Variants in PHF20L1 observed in about 807,000 individuals in gnomAD.
The protein encoded by PHF20L1 is PHD finger protein 20-like protein 1.
A neutral mutation model predicts 125.5 loss-of-function variants in PHF20L1; 44 were observed. The ratio of observed to expected loss-of-function variants is 0.35; its 90% CI spans 0.28 to 0.45. The LOEUF (loss-of-function observed/expected upper bound fraction) is 0.45, where lower values mean the gene tolerates loss of function less well. Among genes scored for constraint, PHF20L1 ranks in the 20% least tolerant of loss-of-function variants. The pLI is 1.00. For synonymous variants in PHF20L1, 380 were observed against 403.1 expected, an observed-to-expected ratio of 0.94 and a Z score of 0.69; for missense variants, 1,012 against 1,217.2, an observed-to-expected ratio of 0.83 and a Z score of 2.51.
intron 10 of PHF20L1, 142 bp downstream of exon 10, chr8:132,815,031 G>T: frequency 1.7e-6 from 1 of 592,250 alleles, no homozygotes; most frequent in Non-Finnish European, 2.9e-6. Context: ...AACTATTTCA[G>T]GGGCAAAAAC....
chr8:132,812,501 T>C, intron 9 of PHF20L1: 1 of 984,806 alleles, frequency 1.0e-6, no homozygotes, highest in African/African-American at 1.7e-5. Context: ...GTTTCTATTT[T>C]CATAATTAAA....
chr8:132,839,109 A>G (rs1587083391), intron 17 of PHF20L1: 1 of 340,858 alleles, frequency 2.9e-6, no homozygotes, highest in South Asian at 5.2e-5. Context: ...TGATGACTAC[A>G]AAACATTGAA....
intron 15 of PHF20L1, among the ~76,000 whole-genome samples, chr8:132,836,183 A>G (rs1378617461): frequency 6.6e-6 from 1 of 152,132 alleles, no homozygotes; most frequent in Admixed American, 6.5e-5. Context: ...ACAAGGGGAC[A>G]ACACAGGGTT....
intron 10 of PHF20L1, chr8:132,816,060 C>T (rs1834944874): frequency 6.6e-6 from 1 of 151,784 alleles, no homozygotes; most frequent in African/African-American, 2.4e-5. Flanking sequence ...ACATCAATGT[C>T]TTTAGACTGT....
chr8:132,807,482 G>C (rs903000901), intron 8 of PHF20L1: 6 of 263,988 alleles, frequency 2.3e-5, no homozygotes, highest in Admixed American at 1.0e-4. Context: ...AGTTAGCTTA[G>C]GTGTGTTTCT....
chr8:132,800,817 A>C (rs1034399744), intron 6 of PHF20L1, among the ~76,000 whole-genome samples: 1 of 151,588 alleles, frequency 6.6e-6, no homozygotes, highest in African/African-American at 2.4e-5. Flanking sequence ...AGAGCTTTTA[A>C]TATTACAGTG....
intron 12 of PHF20L1, among the ~76,000 whole-genome samples, chr8:132,822,047 C>T (rs533269824): frequency 1.3e-5 from 2 of 151,942 alleles, no homozygotes; most frequent in Admixed American, 6.6e-5. Flanking sequence ...AAAGTCCTGC[C>T]GTTGCATATA....
At chr8:132,804,789 T>G in intron 8 of PHF20L1, 49 bp downstream of exon 8, 1 of 1,461,042 alleles carries the variant, frequency 6.8e-7, no homozygotes, top group Non-Finnish European at 9.4e-7. Context: ...GAAGGTTTAA[T>G]TTTAGAGTAA....
chr8:132,802,465 A>G (rs1203823647), intron 6 of PHF20L1, among the ~76,000 whole-genome samples: 1 of 151,564 alleles, frequency 6.6e-6, no homozygotes, highest in Non-Finnish European at 1.5e-5. Context: ...TTTCTGTTCT[A>G]TAGTATTTTG....
At chr8:132,835,158 G>A (rs1361448183) in intron 15 of PHF20L1, among the ~76,000 whole-genome samples, 1 of 152,090 alleles carries the variant, frequency 6.6e-6, no homozygotes, top group Non-Finnish European at 1.5e-5. Context: ...ATTCTGGAGT[G>A]GCTATATTAT....
intron 18 of PHF20L1, chr8:132,841,428 A>G (rs1004292684): frequency 1.3e-5 from 2 of 152,116 alleles, no homozygotes; most frequent in Admixed American, 6.6e-5. Context: ...ATATTAAACT[A>G]CTAGGGATTC....
At chr8:132,802,021 TGCTC>T (rs1287744623) in intron 6 of PHF20L1, among the ~76,000 whole-genome samples, 1 of 151,706 alleles carries the variant, frequency 6.6e-6, no homozygotes, top group Admixed American at 6.6e-5. Context: ...CAGGATTAAA[TGCTC>T]TACTCTTAAT....
At position 132,844,183 on chromosome 8, in the gene PHF20L1, G is replaced by T; in HGVS notation, c.2776G>T (p.Val926Phe). Residue 926 changes from valine (V) to phenylalanine (F), a missense_variant, in exon 20 of 21, where the codon GTT becomes TTT. Val to Phe is a conservative substitution (Grantham distance 50). Transcript: ENST00000395386. Reference protein sequence around the residue: ...KNPAEGNTVFVYNDKKGTEDP... With the variant: ...KNPAEGNTVFFYNDKKGTEDP... ...TCCAGCTGAAGGGAATACAGTATTT[G>T]TTTATAATGATAAAAAGGGCACCGA... 2 of 1,612,810 alleles carry T rather than the reference G, an allele frequency of 1.2e-6. No individual in the cohort carries two copies. The highest frequency in any genetic ancestry group is 2.2e-5 in the South Asian group (2 of 91,042).
rs1834773833 is a variant in PHF20L1 at position 132,814,774 on chromosome 8, T to C, written c.1068T>C (p.Ser356=). The change falls in exon 10 of 21, where the codon TCT becomes TCC. Residue 356 remains serine (S), a synonymous_variant. Transcript: ENST00000395386. ...KARSKKCKHE[S]GDSSGCIKPP... Reference sequence around the variant, plus strand: ...GCAGCAAGAAATGCAAACATGAATCTGGAGATTCTTCTGGGTGTATAAAAC... The same window carrying C: ...GCAGCAAGAAATGCAAACATGAATCCGGAGATTCTTCTGGGTGTATAAAAC... 6.2e-7 allele frequency: 1 copy of C among 1,612,966 alleles called. No homozygotes were observed. The highest frequency in any genetic ancestry group is 1.3e-5 in the African/African-American group (1 of 74,840).
In PHF20L1 at chr8:132,842,512, A is replaced by C. The variant is rs754594765; in HGVS notation, c.2388-3A>C. ...ACTGCTGTTTTTCCAACTTTGTTTT[A>C]AGGAATAAACATCATCCTGACCTTC... On this transcript the variant is annotated splice_polypyrimidine_tract_variant and splice_region_variant and intron_variant, in intron 18 of 20. Coordinates refer to ENST00000395386, the MANE Select transcript of PHF20L1 (RefSeq NM_016018.5). 1.9e-6 allele frequency: 3 copies of C among 1,557,354 alleles called. No homozygotes were observed. The Admixed American group carries it at 6.4e-5, about 33-fold the overall frequency.
intron 9 of PHF20L1, 85 bp downstream of exon 9, chr8:132,811,213 C>A: frequency 6.3e-7 from 1 of 1,582,348 alleles, no homozygotes; most frequent in African/African-American, 1.4e-5. Context: ...TGAAATTCCC[C>A]TTTTGATCAG....
chr8:132,817,356 T>G lies in PHF20L1; in HGVS notation c.1390T>G (p.Leu464Val). Residue 464 changes from leucine to valine, a missense_variant, in exon 12 of 21, where the codon TTG becomes GTG. By Grantham distance (32) the Leu-to-Val change is conservative. Coordinates refer to ENST00000395386, the MANE Select transcript of PHF20L1 (RefSeq NM_016018.5). ...SVPEVPDVAH[L>V]PLEKLGPCLP... is the part of the protein sequence containing the mutation. ...TTGTGTAGTGCCTGATGTTGCACAT[T>G]TGCCACTTGAGAAGCTGGGACCCTG... The G allele has an allele frequency of 1.2e-6, 2 of 1,612,352 alleles. No homozygotes were observed. Among genetic ancestry groups the G allele is most frequent in the African/African-American group, 1.3e-5 (1 of 74,914 alleles).
chr8:132,783,724 T>G (rs1050520068), intron 2 of PHF20L1, among the ~76,000 whole-genome samples: 1 of 152,174 alleles, frequency 6.6e-6, no homozygotes, highest in Non-Finnish European at 1.5e-5. Context: ...TAGAAAGTAA[T>G]GATTATTATT....
intron 2 of PHF20L1, among the ~76,000 whole-genome samples, chr8:132,792,539 T>G (rs927044504): frequency 3.3e-5 from 5 of 152,214 alleles, no homozygotes; most frequent in African/African-American, 1.2e-4. Context: ...TTGGGTCAAC[T>G]GCCTTCTTAG....
Sources: gnomAD v4.1 joint callset for allele counts (sites outside exome capture counted in the v4.1 genomes callset) on GRCh38, gnomAD v4.1.1 for gene constraint, MANE v1.5 for transcripts, NCBI Gene and HGNC (gene_info 2026-07-23, HGNC 2026-07-21) for gene names.